The following ANO4 variants were observed in gnomAD, a reference collection of about 807,000 sequenced individuals.
ANO4 encodes the protein anoctamin-4.
A neutral mutation model predicts 141.9 loss-of-function variants in ANO4; 69 were observed. The ratio of observed to expected loss-of-function variants is 0.49; its 90% CI spans 0.40 to 0.59. ANO4 has a LOEUF of 0.59. ANO4 is among the 20% of genes least tolerant of loss of function. The pLI is 0.00. For synonymous variants in ANO4, 350 were observed against 394.3 expected, an observed-to-expected ratio of 0.89 and a Z score of 1.33; for missense variants, 894 against 1,162.2, an observed-to-expected ratio of 0.77 and a Z score of 3.36.
At chr12:101,018,739 G>C (rs2046405684) in intron 8 of ANO4, among the ~76,000 whole-genome samples, 2 of 152,246 alleles carry the variant, frequency 1.3e-5, no homozygotes, top group Admixed American at 6.5e-5. Flanking sequence ...TCAGCCCTTT[G>C]TCCTGAATGA....
chr12:100,922,128 C>A (rs1460187574), intron 2 of ANO4, 98 bp from the exon 3 acceptor site: 6 of 749,184 alleles, frequency 8.0e-6, no homozygotes, highest in Non-Finnish European at 1.2e-5. Context: ...ACCAGCTAGC[C>A]ATTCACTTTG....
intron 26 of ANO4, among the ~76,000 whole-genome samples, chr12:101,125,823 A>G (rs12228348): frequency 1.3e-5 from 2 of 152,188 alleles, no homozygotes; most frequent in Admixed American, 6.5e-5. Context: ...TTTTGCATCA[A>G]TGTTCATCGG....
chr12:100,751,859 G>A (rs980887309), intron 3 of ANO4, among the ~76,000 whole-genome samples: 2 of 152,188 alleles, frequency 1.3e-5, no homozygotes, highest in African/African-American at 2.4e-5. Flanking sequence ...GGATTTTGAA[G>A]ATGGGGAAAG....
At chr12:100,823,177 A>G (rs1359741120) in intron 1 of ANO4, among the ~76,000 whole-genome samples, 1 of 152,192 alleles carries the variant, frequency 6.6e-6, no homozygotes, top group Non-Finnish European at 1.5e-5. Flanking sequence ...TATTGCAGGC[A>G]TAAAAATACC....
chr12:100,895,154 T>A (rs573397213), intron 1 of ANO4, among the ~76,000 whole-genome samples: 1 of 151,706 alleles, frequency 6.6e-6, no homozygotes, highest in African/African-American at 2.4e-5. Context: ...ACAGGTTTTT[T>A]TTTTTAATTA....
At chr12:100,775,846 GA>G (rs142548213) in intron 3 of ANO4, among the ~76,000 whole-genome samples, 16 of 146,958 alleles carry the variant, frequency 1.1e-4, no homozygotes, top group African/African-American at 3.0e-4. Flanking sequence ...TGTTTTTTAA[GA>G]AAAAAAAAAC....
At chr12:100,819,031 G>A (rs28457020) in intron 1 of ANO4, among the ~76,000 whole-genome samples, 1 of 118,254 alleles carries the variant, frequency 8.5e-6, no homozygotes. Flanking sequence ...ATATATGTAT[G>A]TGTGTATATA....
intron 3 of ANO4, among the ~76,000 whole-genome samples, chr12:100,745,950 A>G (rs76934187): frequency 0.029 from 4,447 of 152,354 alleles, 203 homozygotes; most frequent in African/African-American, 0.1. Flanking sequence ...AATTGTGGAT[A>G]GACTTTCAAG....
chr12:101,046,344 A>C (rs1419227659), intron 13 of ANO4, among the ~76,000 whole-genome samples: 2 of 152,130 alleles, frequency 1.3e-5, no homozygotes, highest in African/African-American at 4.8e-5. Context: ...GAATACCAGC[A>C]CCTGTGGTGT....
rs908449329 is a variant in ANO4 at position 101,066,772 on chromosome 12, G to A, written c.1313-12421G>A. 2.3e-5 allele frequency: 24 copies of A among 1,022,680 alleles called. No individual in the cohort carries two copies. In the South Asian group the frequency reaches 2.9e-4, roughly 12 times the overall value. The allele number at this position is 1,022,680 out of a possible 1,614,324, so 63.4% of individuals were successfully genotyped here. A position where few individuals can be genotyped will look rare whatever the true frequency, so the allele number is the denominator to read the frequency against. ...CTGAGTTGCTGCAGCAGCAGGAGGA[G>A]GACCACAGGAAGCTGAGATCTGTAT... On this transcript the variant is annotated intron_variant, in intron 14 of 27. Transcript: ENST00000392977.
intron 17 of ANO4, among the ~76,000 whole-genome samples, chr12:101,093,434 T>C (rs1192705859): frequency 2.0e-5 from 3 of 152,206 alleles, no homozygotes; most frequent in Admixed American, 6.6e-5. Context: ...TTAACCAGTG[T>C]GTTTTTACTA....
intron 26 of ANO4, among the ~76,000 whole-genome samples, chr12:101,121,947 A>C (rs1191991771): frequency 6.6e-6 from 1 of 151,898 alleles, no homozygotes; most frequent in East Asian, 1.9e-4. Context: ...TTTTTAGTGG[A>C]GACGGGGTTT....
chr12:101,114,992 C>T (rs1166321266), intron 24 of ANO4, among the ~76,000 whole-genome samples: 6 of 151,968 alleles, frequency 3.9e-5, no homozygotes, highest in East Asian at 1.9e-4. Context: ...GTCTTGAGCA[C>T]GATAACATGC....
At chr12:101,010,835 T>A (rs1026759164) in intron 8 of ANO4, among the ~76,000 whole-genome samples, 1 of 152,208 alleles carries the variant, frequency 6.6e-6, no homozygotes, top group Non-Finnish European at 1.5e-5. Context: ...GGTTATCTAT[T>A]GCTACATAAC....
chr12:100,807,541 A>C (rs896827665), intron 1 of ANO4, among the ~76,000 whole-genome samples: 21 of 152,120 alleles, frequency 1.4e-4, no homozygotes, highest in African/African-American at 5.1e-4. Context: ...GGGTTAAATT[A>C]AATTTATAGC....
At chr12:100,943,623 C>G (rs1044426842) in intron 5 of ANO4, among the ~76,000 whole-genome samples, 3 of 152,140 alleles carry the variant, frequency 2.0e-5, no homozygotes, top group Admixed American at 6.6e-5. Flanking sequence ...ATGAATGTGG[C>G]TGTAAGGAAA....
At chr12:101,012,694 AT>A (rs200530704) in intron 8 of ANO4, among the ~76,000 whole-genome samples, 2 of 152,098 alleles carry the variant, frequency 1.3e-5, no homozygotes, top group Admixed American at 6.5e-5. Flanking sequence ...GATCTTATTC[AT>A]TTTTTTTAAA....
chr12:101,046,445 C>T (rs1013378620), intron 13 of ANO4, among the ~76,000 whole-genome samples: 8 of 152,194 alleles, frequency 5.3e-5, no homozygotes, highest in Non-Finnish European at 1.0e-4. Flanking sequence ...ATGTATTTCT[C>T]TAACCTGTGC....
intron 3 of ANO4, among the ~76,000 whole-genome samples, chr12:100,926,065 A>G (rs886861117): frequency 2.0e-5 from 3 of 152,078 alleles, no homozygotes; most frequent in Non-Finnish European, 4.4e-5. Flanking sequence ...TAGCTCCCCA[A>G]GGATATATGG....
Sources: gnomAD v4.1 joint callset for allele counts (sites outside exome capture counted in the v4.1 genomes callset) on GRCh38, gnomAD v4.1.1 for gene constraint, MANE v1.5 for transcripts, NCBI Gene and HGNC (gene_info 2026-07-23, HGNC 2026-07-21) for gene names.